EML5: variants seen among roughly 807,000 people sequenced by gnomAD.
EML5 encodes the protein echinoderm microtubule-associated protein-like 5.
In EML5, 120 loss-of-function variants were observed where a neutral mutation model predicts 250.0. That is an observed-to-expected ratio of 0.48 (90% confidence interval 0.41 to 0.56). The LOEUF is 0.56. Ranked by LOEUF, EML5 falls within the 20% of genes least tolerant of loss-of-function variation. EML5 has a pLI of 0.00. For missense variants in EML5, 2,006 were observed against 2,437.6 expected (o/e 0.82, Z 3.73); for synonymous variants, 771 against 806.5 (o/e 0.96, Z 0.75).
chr14:88,701,235 C>A (rs1353901500), intron 14 of EML5, among the ~76,000 whole-genome samples: 1 of 152,066 alleles, frequency 6.6e-6, no homozygotes, highest in Admixed American at 6.6e-5. Context: ...AGTGGGTGTT[C>A]CTGGCTTCTA....
intron 2 of EML5, among the ~76,000 whole-genome samples, chr14:88,747,343 T>C (rs977882787): frequency 4.0e-5 from 6 of 151,674 alleles, no homozygotes; most frequent in South Asian, 2.1e-4. Context: ...ACCCAGGAGG[T>C]AGAGGTTGCA....
At chr14:88,653,139 T>C (rs913639394) in intron 27 of EML5, among the ~76,000 whole-genome samples, 2 of 152,180 alleles carry the variant, frequency 1.3e-5, no homozygotes, top group African/African-American at 4.8e-5. Context: ...TTTTGCACAT[T>C]TATCTTGTAT....
chr14:88,642,237 G>C (rs1045530588), intron 31 of EML5, among the ~76,000 whole-genome samples: 3 of 152,110 alleles, frequency 2.0e-5, no homozygotes, highest in Non-Finnish European at 2.9e-5. Context: ...CCATTAAATT[G>C]TAATAAAACA....
chr14:88,777,027 A>T (rs144680945), intron 1 of EML5, among the ~76,000 whole-genome samples: 3 of 152,306 alleles, frequency 2.0e-5, no homozygotes, highest in African/African-American at 7.2e-5. Context: ...ATTCAAAGTG[A>T]TAACAACAGA....
intron 2 of EML5, among the ~76,000 whole-genome samples, chr14:88,751,920 A>AAATATTTAAAT (rs1308807779): frequency 2.0e-5 from 3 of 152,172 alleles, no homozygotes; most frequent in African/African-American, 7.2e-5. Context: ...TTAGCACATC[A>AAATATTTAAAT]AATATTTAAA....
rs546934513 is a variant in EML5 at position 88,660,763 on chromosome 14, A to AAAAAAG, written c.3675+890_3675+891insCTTTTT. Among the ~76,000 whole-genome samples, 1,257 of 149,466 alleles carry AAAAAAG rather than the reference A, an allele frequency of 8.4e-3. 21 individuals are homozygous for AAAAAAG. Among genetic ancestry groups the AAAAAAG allele is most frequent in the African/African-American group, 0.028 (1,134 of 40,840 alleles). On this transcript the variant is annotated intron_variant, in intron 25 of 43. Coordinates refer to ENST00000554922, the MANE Select transcript of EML5 (RefSeq NM_183387.3). ...TCTCAGGGAAAAAAAAAGAAAAAAGAAAAAAAAAACTTAATATACATAAGC... is the reference window on the plus strand; with the variant it reads ...TCTCAGGGAAAAAAAAAGAAAAAAGAAAAAAGAAAAAAAAACTTAATATACATAAGC...
rs1200596341 is a variant in EML5, at chr14:88,700,924, G to T, written c.2238+1522C>A. On this transcript the variant is annotated intron_variant, in intron 14 of 43. Coordinates refer to ENST00000554922, the MANE Select transcript of EML5 (RefSeq NM_183387.3). ...TAATGCATTCTAAGATTTGAACACT[G>T]TGAGTTACTCATAGTTCTTTAAATA... Among the ~76,000 whole-genome samples, 4 of 152,012 alleles carry T rather than the reference G, an allele frequency of 2.6e-5. No individual in the cohort carries two copies. The East Asian group carries it at 7.7e-4, about 29-fold the overall frequency.
At chr14:88,656,939 A>G (rs978774427) in intron 27 of EML5, among the ~76,000 whole-genome samples, 2 of 152,224 alleles carry the variant, frequency 1.3e-5, no homozygotes, top group African/African-American at 4.8e-5. Context: ...ACATGTATAA[A>G]TCCCTAAACC....
intron 1 of EML5, among the ~76,000 whole-genome samples, chr14:88,780,836 G>A (rs765291452): frequency 1.1e-4 from 16 of 152,200 alleles, no homozygotes; most frequent in Non-Finnish European, 1.3e-4. Flanking sequence ...TCCTCCCAAA[G>A]TGCTGGGATT....
chr14:88,627,552 C>T, intron 34 of EML5, 94 bp downstream of exon 34: 1 of 1,312,222 alleles, frequency 7.6e-7, no homozygotes, highest in Non-Finnish European at 1.0e-6. Flanking sequence ...ATGATTGTTT[C>T]AACCACCAAC....
chr14:88,644,384 A>C, intron 30 of EML5, 49 bp downstream of exon 30: 2 of 1,560,950 alleles, frequency 1.3e-6, no homozygotes, highest in Non-Finnish European at 1.7e-6. Flanking sequence ...TTTTATAAAA[A>C]AGAACTCTGG....
intron 41 of EML5, 188 bp downstream of exon 41, chr14:88,618,040 C>T: frequency 2.6e-6 from 1 of 382,684 alleles, no homozygotes; most frequent in East Asian, 4.0e-5. Context: ...ATCATGGAAA[C>T]TGATAAAACA....
chr14:88,702,576 A>G lies in EML5; in HGVS notation c.2108T>C (p.Val703Ala). The G allele has an allele frequency of 6.2e-7, 1 of 1,612,178 alleles. No homozygotes were observed. Among genetic ancestry groups the G allele is most frequent in the South Asian group, 1.1e-5 (1 of 90,718 alleles). The change falls in exon 14 of 44, where the codon GTG becomes GCG. Residue 703 changes from valine (V) to alanine (A), a missense_variant. Physicochemically the swap from Val to Ala is moderately conservative, Grantham distance 64. This residue lies in a region of EML5 where 1,375 missense variants were observed against 1,590.3 expected (regional missense o/e 0.86). Coordinates refer to ENST00000554922, the MANE Select transcript of EML5 (RefSeq NM_183387.3). ...NLFYTQIGEIVYHVAAVGVIY... is the reference protein window; with the variant it reads ...NLFYTQIGEIAYHVAAVGVIY... The stretch of plus-strand genomic sequence containing the variant: ...GACACCCACTGCTGCCACATGGTAC[A>G]CAATTTCACCAATTTGAGTATAAAA...
Position 88,702,497 on chromosome 14 carries a change from A to G in EML5, c.2187T>C (p.Asp729=). 1.9e-6 allele frequency: 3 copies of G among 1,612,850 alleles called. No individual in the cohort carries two copies. Among genetic ancestry groups the G allele is most frequent in the Non-Finnish European group, 2.5e-6 (3 of 1,179,330 alleles). ...TQRFYLGHDD[D]ILCLTIHPLK... ...AAGGATGAATAGTTAGGCAGAGAAT[A>G]TCATCATCATGACCCAGATAAAAAC... The change falls in exon 14 of 44, where the codon GAT becomes GAC. Residue 729 remains aspartate, a synonymous_variant. Transcript: ENST00000554922.
At chr14:88,713,885 T>C (rs1428384165) in intron 9 of EML5, among the ~76,000 whole-genome samples, 2 of 151,122 alleles carry the variant, frequency 1.3e-5, no homozygotes, top group African/African-American at 4.9e-5. Context: ...GTGGCATAGT[T>C]GGAATGCAGT....
chr14:88,745,350 T>G (rs145553065), intron 3 of EML5, among the ~76,000 whole-genome samples: 1 of 152,254 alleles, frequency 6.6e-6, no homozygotes, highest in East Asian at 1.9e-4. Flanking sequence ...AGGATTTTAC[T>G]ACATATACAT....
chr14:88,676,523 C>G (rs911982585), intron 21 of EML5, among the ~76,000 whole-genome samples: 4 of 152,192 alleles, frequency 2.6e-5, no homozygotes, highest in Non-Finnish European at 4.4e-5. Context: ...AAGATGAGAT[C>G]TGAGTGGGGA....
At chr14:88,754,202 T>A (rs762685230) in intron 2 of EML5, among the ~76,000 whole-genome samples, 28 of 152,184 alleles carry the variant, frequency 1.8e-4, no homozygotes, top group Non-Finnish European at 7.3e-5. Context: ...ATATCATCCA[T>A]CTGTCCTGTC....
At chr14:88,739,518 A>C (rs1442151801) in intron 5 of EML5, among the ~76,000 whole-genome samples, 2 of 152,198 alleles carry the variant, frequency 1.3e-5, no homozygotes, top group Non-Finnish European at 2.9e-5. Context: ...CCACATGTAA[A>C]AATGAATTAT....
Sources: allele counts gnomAD v4.1 joint callset (sites outside exome capture counted in the v4.1 genomes callset), GRCh38; gene constraint gnomAD v4.1.1; regional missense constraint gnomAD v4.1.1; transcripts MANE v1.5; gene names NCBI Gene and HGNC (gene_info 2026-07-23, HGNC 2026-07-21).